ACSF2: variants seen among roughly 807,000 people sequenced by gnomAD.
ACSF2 encodes the protein medium-chain acyl-CoA ligase ACSF2, mitochondrial.
In ACSF2, 52 loss-of-function variants were observed where a neutral mutation model predicts 79.3. The ratio of observed to expected loss-of-function variants is 0.66; its 90% confidence interval spans 0.53 to 0.83. The LOEUF is 0.83. Ranked by LOEUF, ACSF2 falls within the 40% of genes least tolerant of loss-of-function variation. The pLI is 0.00. For synonymous variants in ACSF2, 283 were observed against 312.6 expected (o/e 0.91, Z 1.00); for missense variants, 661 against 803.3 (o/e 0.82, Z 2.14).
chr17:50,426,935 G>A, intron 1 of ACSF2: 1 of 1,535,752 alleles, frequency 6.5e-7, no homozygotes, highest in East Asian at 2.4e-5. Context: ...CTGGCAGGCA[G>A]AGGATTTCAG....
At chr17:50,435,637 C>T (rs540798959) in intron 1 of ACSF2, among the ~76,000 whole-genome samples, 62 of 152,238 alleles carry the variant, frequency 4.1e-4, no homozygotes, top group Admixed American at 1.0e-3. Flanking sequence ...GTCTCCAACT[C>T]CTGTGCTCAA....
chr17:50,428,501 A>AAAATAAAAATAG (rs1915217114), intron 1 of ACSF2, among the ~76,000 whole-genome samples: 1 of 150,022 alleles, frequency 6.7e-6, no homozygotes, highest in African/African-American at 2.5e-5. Context: ...AATAAAAATA[A>AAAATAAAAATAG]AGGCCAAGCA....
intron 1 of ACSF2, among the ~76,000 whole-genome samples, chr17:50,443,149 C>T (rs1038225718): frequency 7.2e-5 from 11 of 152,092 alleles, no homozygotes; most frequent in African/African-American, 2.2e-4. Flanking sequence ...ACCTTGTGAT[C>T]CGTCCACCTC....
intron 1 of ACSF2, among the ~76,000 whole-genome samples, chr17:50,445,897 C>T (rs1434464271): frequency 6.6e-6 from 1 of 152,156 alleles, no homozygotes; most frequent in Non-Finnish European, 1.5e-5. Flanking sequence ...AACTATGCAT[C>T]ATCAGCTGCT....
At chr17:50,460,523 G>A in intron 1 of ACSF2, 154 bp from the exon 2 acceptor site, 2 of 683,200 alleles carry the variant, frequency 2.9e-6, no homozygotes, top group East Asian at 2.7e-5. Flanking sequence ...AAAGGGTCTG[G>A]GGGATTTTAG....
At chr17:50,468,479 C>T (rs2032894867) in intron 10 of ACSF2, 2 of 1,614,138 alleles carry the variant, frequency 1.2e-6, no homozygotes, top group Non-Finnish European at 1.7e-6. Context: ...GCGCAGCACG[C>T]GGATGTCGTT....
rs2033256339 is a variant in ACSF2 at position 50,474,424 on chromosome 17, A to G, written c.1798-78A>G. The G allele has an allele frequency of 6.4e-7, 1 of 1,555,306 alleles. No homozygotes were observed. Among genetic ancestry groups the G allele is most frequent in the Non-Finnish European group, 8.9e-7 (1 of 1,128,472 alleles). On this transcript the variant is annotated intron_variant, in intron 15 of 15. Transcript: ENST00000300441. This position sits in a 1 kb window ranked among gnomAD's most constrained non-coding sequence, Gnocchi z 4.2. Reference sequence around the variant, plus strand: ...GCCTGGGGACTTTCCCTGTTTTGGCACTAAGAGCCTGAGAAACCCCTTATT... The same window carrying G: ...GCCTGGGGACTTTCCCTGTTTTGGCGCTAAGAGCCTGAGAAACCCCTTATT...
chr17:50,444,351 G>A (rs2031150488), intron 1 of ACSF2, among the ~76,000 whole-genome samples: 1 of 152,052 alleles, frequency 6.6e-6, no homozygotes, highest in Non-Finnish European at 1.5e-5. Context: ...TCAGGAGTTT[G>A]AGACTAACCT....
chr17:50,460,925 C>T lies in ACSF2; in HGVS notation c.324+53C>T, dbSNP rs1184068377. The T allele has an allele frequency of 3.9e-6, 6 of 1,550,616 alleles. No homozygotes were observed. In the Admixed American group the frequency reaches 1.1e-4, roughly 29 times the overall value. Reference sequence around the variant, plus strand: ...TGGGCAAGTACTAGCTCCCAAGCTGCCCTAGCTGGGCAGAACCAGGAGCGT... The same window carrying T: ...TGGGCAAGTACTAGCTCCCAAGCTGTCCTAGCTGGGCAGAACCAGGAGCGT... On this transcript the variant is annotated intron_variant, in intron 2 of 15. Coordinates refer to ENST00000300441, the MANE Select transcript of ACSF2 (RefSeq NM_025149.6).
At chr17:50,473,462 A>T (rs1186056936) in intron 12 of ACSF2, 1 of 616,414 alleles carries the variant, frequency 1.6e-6, no homozygotes, top group East Asian at 2.9e-5. Context: ...AGAATATGTT[A>T]TAGGTATTGT....
At chr17:50,440,723 T>C (rs1377954680) in intron 1 of ACSF2, among the ~76,000 whole-genome samples, 1 of 152,256 alleles carries the variant, frequency 6.6e-6, no homozygotes, top group Non-Finnish European at 1.5e-5. Flanking sequence ...GTCCAGTTCC[T>C]GCTGGTAGGC....
intron 1 of ACSF2, among the ~76,000 whole-genome samples, chr17:50,431,561 C>T (rs2029927032): frequency 6.6e-6 from 1 of 152,232 alleles, no homozygotes; most frequent in African/African-American, 2.4e-5. Flanking sequence ...CTGGTGCCAT[C>T]ATAGCTTGCT....
chr17:50,447,879 G>A (rs550012086), intron 1 of ACSF2, among the ~76,000 whole-genome samples: 34 of 152,290 alleles, frequency 2.2e-4, no homozygotes, highest in Non-Finnish European at 4.0e-4. Flanking sequence ...AGGGTATACC[G>A]GAGTTGGTGA....
At position 50,460,684 on chromosome 17, in the gene ACSF2, G is replaced by A; in HGVS notation, c.136G>A (p.Glu46Lys). 2 of 1,611,524 alleles carry A rather than the reference G, an allele frequency of 1.2e-6. No homozygotes were observed. The highest frequency in any genetic ancestry group is 1.7e-6 in the Non-Finnish European group (2 of 1,178,714). ...LQGVRFLSSR[E>K]VDRMVSTPIG... Reference sequence around the variant, plus strand: ...TAGCTCCTCTCCCTACAGTTCCAGAGAGGTGGATCGCATGGTCTCCACGCC... The same window carrying A: ...TAGCTCCTCTCCCTACAGTTCCAGAAAGGTGGATCGCATGGTCTCCACGCC... The change falls in exon 2 of 16, where the codon GAG becomes AAG. Residue 46 changes from glutamate (E) to lysine (K), a missense_variant. Transcript: ENST00000300441.
At position 50,468,661 on chromosome 17, in the gene ACSF2, C is replaced by T. The variant is rs138853066; in HGVS notation, c.1216-2367C>T. The T allele has an allele frequency of 1.1e-5, 17 of 1,614,208 alleles. No homozygotes were observed. In the African/African-American group the frequency reaches 2.0e-4, roughly 19 times the overall value. On this transcript the variant is annotated intron_variant, in intron 10 of 15. Transcript: ENST00000300441. Reference sequence around the variant, plus strand: ...GCTGTAGGTTGAGCAGCTTGGTCTTCTCTGACACCTTGGGGATCTTCTGCA... The same window carrying T: ...GCTGTAGGTTGAGCAGCTTGGTCTTTTCTGACACCTTGGGGATCTTCTGCA...
intron 1 of ACSF2, among the ~76,000 whole-genome samples, chr17:50,439,935 G>A (rs1031789610): frequency 6.6e-6 from 1 of 152,176 alleles, no homozygotes; most frequent in Non-Finnish European, 1.5e-5. Flanking sequence ...TCCTGTGTCT[G>A]TTCTGTTCCT....
At chr17:50,451,972 A>T (rs1228181786) in intron 1 of ACSF2, among the ~76,000 whole-genome samples, 1 of 152,212 alleles carries the variant, frequency 6.6e-6, no homozygotes, top group Non-Finnish European at 1.5e-5. Flanking sequence ...CTTGGGATAA[A>T]GCAGTGAACA....
chr17:50,462,416 C>A lies in ACSF2; in HGVS notation c.627-4C>A, dbSNP rs1222588580. On this transcript the variant is annotated splice_region_variant and splice_polypyrimidine_tract_variant and intron_variant, in intron 5 of 15. Coordinates refer to ENST00000300441, the MANE Select transcript of ACSF2 (RefSeq NM_025149.6). ...CTGTCTCTCACCATCGTCCCCAACC[C>A]CAGGCTCCCAGATCTGACCACAGTC... 6.2e-7 allele frequency: 1 copy of A among 1,613,216 alleles called. No individual in the cohort carries two copies. Among genetic ancestry groups the A allele is most frequent in the African/African-American group, 1.3e-5 (1 of 74,856 alleles).
chr17:50,465,007 G>A, intron 10 of ACSF2: 1 of 443,892 alleles, frequency 2.3e-6, no homozygotes, highest in Non-Finnish European at 4.1e-6. Flanking sequence ...AGTCTCTCCG[G>A]TGGAAGGCAG....
Sources: gnomAD v4.1 joint callset for allele counts (sites outside exome capture counted in the v4.1 genomes callset) on GRCh38, gnomAD v4.1.1 for gene constraint, Gnocchi (gnomAD v3.1) non-coding constraint, MANE v1.5 for transcripts, NCBI Gene and HGNC (gene_info 2026-07-23, HGNC 2026-07-21) for gene names.